The following KCNMA1 variants were observed in gnomAD, a reference collection of about 807,000 sequenced individuals.
KCNMA1 encodes Calcium-activated potassium channel subunit alpha-1.
A neutral mutation model predicts 140.0 loss-of-function variants in KCNMA1; 29 were observed. The ratio of observed to expected loss-of-function variants is 0.21; its 90% CI spans 0.15 to 0.28. KCNMA1 has a LOEUF of 0.28. Among genes scored for constraint, KCNMA1 ranks in the 10% least tolerant of loss-of-function variants. The pLI, the probability that KCNMA1 is intolerant of heterozygous loss-of-function variation, is 1.00. For synonymous variants in KCNMA1, 612 were observed against 611.9 expected (o/e 1.00, Z 0.00); for missense variants, 880 against 1,602.2 (o/e 0.55, Z 7.70).
chr10:77,157,382 T>G (rs2098500380), intron 5 of KCNMA1, among the ~76,000 whole-genome samples: 1 of 152,206 alleles, frequency 6.6e-6, no homozygotes, highest in Non-Finnish European at 1.5e-5. Context: ...TTTGTCTAAC[T>G]TATTTACTTA....
At chr10:77,099,421 G>A (rs2097033373) in intron 9 of KCNMA1, among the ~76,000 whole-genome samples, 1 of 152,136 alleles carries the variant, frequency 6.6e-6, no homozygotes, top group Non-Finnish European at 1.5e-5. Flanking sequence ...ACTTGCATAG[G>A]CCCCAGCAGA....
intron 26 of KCNMA1, 182 bp downstream of exon 26, chr10:76,891,343 A>G (rs1354292113): frequency 1.5e-6 from 1 of 645,854 alleles, no homozygotes; most frequent in Admixed American, 2.3e-5. Flanking sequence ...AAAATGAATG[A>G]CTATGCATAG....
chr10:77,508,581 C>CTTTTTTTTTTTTTTTTTTTTTTTTT (rs761735012), intron 1 of KCNMA1, among the ~76,000 whole-genome samples: 23 of 99,866 alleles, frequency 2.3e-4, no homozygotes, highest in African/African-American at 6.8e-4. Flanking sequence ...TTTTTCTTTT[C>CTTTTTTTTTTTTTTTTTTTTTTTTT]TTTTTTTTTT....
intron 23 of KCNMA1, among the ~76,000 whole-genome samples, chr10:76,933,065 C>T (rs2059668026): frequency 6.6e-6 from 1 of 152,174 alleles, no homozygotes; most frequent in South Asian, 2.1e-4. Flanking sequence ...ACCTGGCCAT[C>T]TGATAAAGGC....
At chr10:77,286,209 A>G (rs947943063) in intron 2 of KCNMA1, among the ~76,000 whole-genome samples, 13 of 152,194 alleles carry the variant, frequency 8.5e-5, no homozygotes, top group Middle Eastern at 3.2e-3. Flanking sequence ...CTCACTTGCT[A>G]TAACTAGAAG....
intron 3 of KCNMA1, among the ~76,000 whole-genome samples, chr10:77,237,822 T>G (rs2056055611): frequency 6.6e-6 from 1 of 152,148 alleles, no homozygotes; most frequent in South Asian, 2.1e-4. Flanking sequence ...GAATATACAA[T>G]TCTGGCCCAG....
In KCNMA1 at chr10:77,240,199, C is replaced by A. The variant is rs191787223; in HGVS notation, c.602+10996G>T. Among the ~76,000 whole-genome samples the A allele has an allele frequency of 4.6e-5, 7 of 152,278 alleles. No individual in the cohort carries two copies. In the East Asian group the frequency reaches 1.2e-3, roughly 25 times the overall value. On this transcript the variant is annotated intron_variant, in intron 3 of 27. Coordinates refer to ENST00000286628, the MANE Select transcript of KCNMA1 (RefSeq NM_001161352.2). Reference sequence around the variant, plus strand: ...AGCAACCATGTTTTAAAAGCTCTTGCAGTTCTTAAACAAACAGAGTGTATG... The same window carrying A: ...AGCAACCATGTTTTAAAAGCTCTTGAAGTTCTTAAACAAACAGAGTGTATG...
chr10:77,555,437 A>G (rs1324599066), intron 1 of KCNMA1, among the ~76,000 whole-genome samples: 1 of 152,248 alleles, frequency 6.6e-6, no homozygotes, highest in African/African-American at 2.4e-5. Context: ...ATTAGAATCA[A>G]GGAAGAGCCA....
At chr10:77,555,738 A>G (rs1663853272) in intron 1 of KCNMA1, among the ~76,000 whole-genome samples, 1 of 152,162 alleles carries the variant, frequency 6.6e-6, no homozygotes, top group African/African-American at 2.4e-5. Flanking sequence ...TTGGAGGTTA[A>G]ACAGATGAGA....
intron 3 of KCNMA1, among the ~76,000 whole-genome samples, chr10:77,221,069 C>T (rs1324537140): frequency 6.6e-6 from 1 of 152,198 alleles, no homozygotes; most frequent in South Asian, 2.1e-4. Flanking sequence ...AAAGAAACTG[C>T]TAGTGAATGG....
intron 3 of KCNMA1, among the ~76,000 whole-genome samples, chr10:77,185,235 G>A (rs1432029872): frequency 6.6e-6 from 1 of 151,960 alleles, no homozygotes; most frequent in East Asian, 1.9e-4. Context: ...GGACAAGCAG[G>A]AGAGGCCTCC....
At chr10:77,454,694 T>C (rs758082256) in intron 1 of KCNMA1, among the ~76,000 whole-genome samples, 4 of 152,226 alleles carry the variant, frequency 2.6e-5, no homozygotes, top group Non-Finnish European at 5.9e-5. Flanking sequence ...ATTTTCCTTC[T>C]TTACTTGGGG....
At position 77,351,083 on chromosome 10, in the gene KCNMA1, G is replaced by T. The variant is rs1207844032; in HGVS notation, c.540+52779C>A. On this transcript the variant is annotated intron_variant, in intron 2 of 27. Coordinates refer to ENST00000286628, the MANE Select transcript of KCNMA1 (RefSeq NM_001161352.2). ...GAAAACCACCAGGACAATGCTTTCA[G>T]GGGACTTTATCCAAAAGACTGCAAC... is the stretch of plus-strand genomic sequence containing the variant. Among the ~76,000 whole-genome samples the T allele has an allele frequency of 2.0e-5, 3 of 152,200 alleles. No individual in the cohort carries two copies. In the South Asian group the frequency reaches 6.2e-4, roughly 31 times the overall value.
intron 2 of KCNMA1, among the ~76,000 whole-genome samples, chr10:77,348,443 G>A (rs938454694): frequency 2.0e-5 from 3 of 152,072 alleles, no homozygotes; most frequent in Admixed American, 2.0e-4. Flanking sequence ...CTGGACACCC[G>A]CAAGCCACAT....
intron 1 of KCNMA1, among the ~76,000 whole-genome samples, chr10:77,516,964 G>T (rs1197367101): frequency 6.6e-6 from 1 of 150,586 alleles, no homozygotes; most frequent in African/African-American, 2.5e-5. Flanking sequence ...GAGGGTGAGG[G>T]TGTTTGTGGA....
At chr10:77,386,145 CAAAG>C (rs1421447576) in intron 2 of KCNMA1, among the ~76,000 whole-genome samples, 3 of 152,318 alleles carry the variant, frequency 2.0e-5, no homozygotes, top group East Asian at 3.9e-4. Flanking sequence ...CTGCTTTCCT[CAAAG>C]GAAACATGGG....
In KCNMA1 at chr10:77,162,305, T is replaced by C. The variant is rs569618610; in HGVS notation, c.808+21116A>G. Among the ~76,000 whole-genome samples the C allele has an allele frequency of 3.9e-5, 6 of 152,344 alleles. No individual in the cohort carries two copies. In the East Asian group the frequency reaches 1.2e-3, roughly 29 times the overall value. On this transcript the variant is annotated intron_variant, in intron 5 of 27. Coordinates refer to ENST00000286628, the MANE Select transcript of KCNMA1 (RefSeq NM_001161352.2). ...ATGTTCTTGTTTAAGGCCGTTTGCC[T>C]TGGAATTCCCAAAAGGATTCTGGAG...
chr10:76,877,850 G>A, exon 30 of KCNMA1: 2 of 1,609,906 alleles, frequency 1.2e-6, no homozygotes, highest in Admixed American at 3.4e-5. Context: ...GAATGTTTCT[G>A]GGATAGGCAT....
intron 1 of KCNMA1, among the ~76,000 whole-genome samples, chr10:77,568,758 T>C (rs1603637061): frequency 6.6e-6 from 1 of 150,734 alleles, no homozygotes; most frequent in East Asian, 1.9e-4. Flanking sequence ...GAGAAGGAAA[T>C]AAAGGGTATT....
Sources: gnomAD v4.1 joint callset for allele counts (sites outside exome capture counted in the v4.1 genomes callset) on GRCh38, gnomAD v4.1.1 for gene constraint, MANE v1.5 for transcripts, NCBI Gene and HGNC (gene_info 2026-07-23, HGNC 2026-07-21) for gene names.